Variants in IFTAP observed in about 807,000 individuals in gnomAD.
IFTAP encodes the protein intraflagellar transport-associated protein.
In IFTAP, 19 loss-of-function variants were observed where a neutral mutation model predicts 19.4. The observed-to-expected ratio is 0.98, with a 90% CI of 0.68 to 1.44. The LOEUF (loss-of-function observed/expected upper bound fraction) is 1.44, where lower values mean the gene tolerates loss of function less well. Ranked by LOEUF, IFTAP falls within the 40% of genes most tolerant of loss-of-function variation. The pLI, the probability that IFTAP is intolerant of heterozygous loss-of-function variation, is 0.00. For synonymous variants in IFTAP, 85 were observed against 83.5 expected (o/e 1.02, Z -0.10); for missense variants, 240 against 253.6 (o/e 0.95, Z 0.36).
intron 5 of IFTAP, among the ~76,000 whole-genome samples, chr11:36,648,914 T>C (rs1484615758): frequency 6.6e-6 from 1 of 152,150 alleles, no homozygotes; most frequent in African/African-American, 2.4e-5. Context: ...ATGCCATATA[T>C]TTACTCTTGC....
chr11:36,648,840 T>C (rs544162767), intron 5 of IFTAP, among the ~76,000 whole-genome samples: 73 of 152,220 alleles, frequency 4.8e-4, no homozygotes, highest in African/African-American at 1.7e-3. Flanking sequence ...GACCACTTAG[T>C]CACATGTTCA....
At chr11:36,654,225 C>T (rs1853871829) in intron 5 of IFTAP, among the ~76,000 whole-genome samples, 1 of 152,182 alleles carries the variant, frequency 6.6e-6, no homozygotes, top group Admixed American at 6.6e-5. Flanking sequence ...TTCCAGTCTT[C>T]CTTTTAATGG....
rs1400139695 is a variant in IFTAP at position 36,636,041 on chromosome 11, T to C, written c.292-10T>C. The C allele has an allele frequency of 1.2e-5, 19 of 1,581,898 alleles. No homozygotes were observed. Among genetic ancestry groups the C allele is most frequent in the Non-Finnish European group, 1.7e-5 (19 of 1,151,462 alleles). Reference sequence around the variant, plus strand: ...TTCTGCTTAAAAATTATGTTAATTCTTTTTTCTAGGTAGATAATTTCCTAG... The same window carrying C: ...TTCTGCTTAAAAATTATGTTAATTCCTTTTTCTAGGTAGATAATTTCCTAG... On this transcript the variant is annotated splice_polypyrimidine_tract_variant and intron_variant, in intron 3 of 5. Coordinates refer to ENST00000334307, the MANE Select transcript of IFTAP (RefSeq NM_138787.4).
intron 2 of IFTAP, among the ~76,000 whole-genome samples, chr11:36,613,732 G>C (rs983829737): frequency 2.6e-5 from 4 of 152,034 alleles, no homozygotes; most frequent in Admixed American, 2.6e-4. Context: ...AAGTTTGACA[G>C]AAAAGAGCTG....
At chr11:36,630,866 C>T (rs1852699338) in intron 2 of IFTAP, among the ~76,000 whole-genome samples, 1 of 151,348 alleles carries the variant, frequency 6.6e-6, no homozygotes, top group Non-Finnish European at 1.5e-5. Context: ...GCAGTAGCCA[C>T]AGGAAGTCTG....
chr11:36,638,314 A>G (rs1853042685), intron 4 of IFTAP, among the ~76,000 whole-genome samples: 1 of 152,332 alleles, frequency 6.6e-6, no homozygotes, highest in South Asian at 2.1e-4. Context: ...AATATTGATA[A>G]AAACATCTTA....
At chr11:36,630,706 A>G (rs1337136000) in intron 2 of IFTAP, among the ~76,000 whole-genome samples, 1 of 151,346 alleles carries the variant, frequency 6.6e-6, no homozygotes, top group Non-Finnish European at 1.5e-5. Flanking sequence ...CTTTTCAAGT[A>G]TTTAAGTCAA....
At chr11:36,629,841 G>A (rs937663535) in intron 2 of IFTAP, among the ~76,000 whole-genome samples, 6 of 151,100 alleles carry the variant, frequency 4.0e-5, no homozygotes, top group South Asian at 2.1e-4. Context: ...ATGAAACCTC[G>A]AAAAACCTTT....
chr11:36,646,179 C>T (rs2133506754), intron 4 of IFTAP, among the ~76,000 whole-genome samples: 1 of 152,268 alleles, frequency 6.6e-6, no homozygotes, highest in East Asian at 1.9e-4. Flanking sequence ...GAGTTGTCCT[C>T]CTCACTGCAC....
chr11:36,613,842 C>T (rs949544809), intron 2 of IFTAP, among the ~76,000 whole-genome samples: 3 of 151,870 alleles, frequency 2.0e-5, no homozygotes, highest in Non-Finnish European at 2.9e-5. Context: ...TTAAACACTA[C>T]GTCTTCAAGA....
intron 1 of IFTAP, among the ~76,000 whole-genome samples, chr11:36,609,294 C>T (rs971009488): frequency 2.0e-5 from 3 of 152,070 alleles, no homozygotes; most frequent in Non-Finnish European, 2.9e-5. Flanking sequence ...GATGGTATAA[C>T]CTTGTTCAAA....
At chr11:36,657,224 A>G (rs1854028079) in intron 5 of IFTAP, among the ~76,000 whole-genome samples, 1 of 152,172 alleles carries the variant, frequency 6.6e-6, no homozygotes. Flanking sequence ...AGGCCTCAGT[A>G]CTTACTGCTG....
At chr11:36,652,171 T>G (rs1853767051) in intron 5 of IFTAP, among the ~76,000 whole-genome samples, 1 of 152,236 alleles carries the variant, frequency 6.6e-6, no homozygotes, top group South Asian at 2.1e-4. Context: ...ATATTGATTC[T>G]TCCTATCCAT....
At chr11:36,611,009 T>G (rs1213266558) in intron 2 of IFTAP, among the ~76,000 whole-genome samples, 4 of 152,154 alleles carry the variant, frequency 2.6e-5, no homozygotes, top group Admixed American at 2.6e-4. Context: ...GATTTGTGTT[T>G]TTTTTGGGGG....
intron 5 of IFTAP, 157 bp downstream of exon 5, chr11:36,648,312 T>C (rs1481021131): frequency 1.9e-5 from 16 of 861,208 alleles, no homozygotes; most frequent in Non-Finnish European, 2.4e-5. Flanking sequence ...CTATCTCAAA[T>C]GCATACATTT....
At chr11:36,635,162 T>C (rs1355265582) in intron 3 of IFTAP, among the ~76,000 whole-genome samples, 1 of 152,212 alleles carries the variant, frequency 6.6e-6, no homozygotes, top group Non-Finnish European at 1.5e-5. Flanking sequence ...GCCTGTCTTT[T>C]GAATTCCAAT....
intron 1 of IFTAP, among the ~76,000 whole-genome samples, chr11:36,602,794 G>C (rs1851555578): frequency 6.6e-6 from 1 of 151,666 alleles, no homozygotes; most frequent in Admixed American, 6.6e-5. Context: ...GGTGAAGATA[G>C]GGTGTTTACT....
At position 36,596,217 on chromosome 11, in the gene IFTAP, TTTTTG is replaced by T. The variant is rs1165128695; in HGVS notation, c.-24+1630_-24+1634del. ...ACTCTAATGAGATGGTAGTGTTTTT[TTTTTG>T]TTTTTTTTTTTTTTTGCTTTAAAGA... On this transcript the variant is annotated intron_variant, in intron 1 of 5. Coordinates refer to ENST00000334307, the MANE Select transcript of IFTAP (RefSeq NM_138787.4). Among the ~76,000 whole-genome samples, 6 of 138,246 alleles carry T rather than the reference TTTTTG, an allele frequency of 4.3e-5. No homozygotes were observed. In the South Asian group the frequency reaches 9.8e-4, roughly 23 times the overall value. 90.7% of individuals were successfully genotyped at this position (138,246 alleles called of 152,430 possible). A position where few individuals can be genotyped will look rare whatever the true frequency, so the allele number is the denominator to read the frequency against.
intron 2 of IFTAP, among the ~76,000 whole-genome samples, chr11:36,616,217 T>A (rs1667948529): frequency 6.6e-6 from 1 of 151,994 alleles, no homozygotes. Context: ...TGCCACATAA[T>A]AACAGCTTTC....
Sources: gnomAD v4.1 joint callset for allele counts (sites outside exome capture counted in the v4.1 genomes callset) on GRCh38, gnomAD v4.1.1 for gene constraint, MANE v1.5 for transcripts, NCBI Gene and HGNC (gene_info 2026-07-23, HGNC 2026-07-21) for gene names.